NRG3: variants seen among roughly 807,000 people sequenced by gnomAD.
The protein encoded by NRG3 is neuregulin 3.
In NRG3, 31 loss-of-function variants were observed where a neutral mutation model predicts 66.9. The observed-to-expected ratio is 0.46, with a 90% confidence interval of 0.35 to 0.63. The LOEUF (loss-of-function observed/expected upper bound fraction) is 0.63, where lower values mean the gene tolerates loss of function less well. Ranked by LOEUF, NRG3 falls within the 20% of genes least tolerant of loss-of-function variation. The probability of loss-of-function intolerance (pLI) is 0.00; values close to 1 mark genes in which losing one functional copy is unlikely to be tolerated. For missense variants in NRG3, 910 were observed against 878.9 expected (o/e 1.04, Z -0.45); for synonymous variants, 393 against 359.4 (o/e 1.09, Z -1.06).
At chr10:82,471,803 C>T (rs1841292613) in intron 2 of NRG3, among the ~76,000 whole-genome samples, 1 of 151,542 alleles carries the variant, frequency 6.6e-6, no homozygotes. Context: ...GCAGGAGAAT[C>T]ACTTGAACCC....
At chr10:82,124,221 G>A (rs568815985) in intron 1 of NRG3, among the ~76,000 whole-genome samples, 6 of 151,984 alleles carry the variant, frequency 3.9e-5, no homozygotes, top group South Asian at 2.1e-4. Context: ...ATTGGCTTTC[G>A]AACTGATGAA....
chr10:82,586,933 G>T (rs1159561624), intron 2 of NRG3, among the ~76,000 whole-genome samples: 2 of 152,030 alleles, frequency 1.3e-5, no homozygotes, highest in Non-Finnish European at 2.9e-5. Context: ...AAAAAATCAT[G>T]TTTTTTCATG....
chr10:82,605,664 C>G (rs1276246845), intron 2 of NRG3, among the ~76,000 whole-genome samples: 5 of 151,854 alleles, frequency 3.3e-5, no homozygotes, highest in Non-Finnish European at 7.4e-5. Context: ...ATTTATATTT[C>G]TTAAACTAGT....
At chr10:82,180,910 TTTTG>T (rs1474836209) in intron 1 of NRG3, among the ~76,000 whole-genome samples, 4 of 151,812 alleles carry the variant, frequency 2.6e-5, no homozygotes, top group Non-Finnish European at 4.4e-5. Context: ...TTGTTGTTGT[TTTTG>T]TTTGTTATGT....
At chr10:82,246,814 T>A (rs935860861) in intron 1 of NRG3, among the ~76,000 whole-genome samples, 1 of 152,094 alleles carries the variant, frequency 6.6e-6, no homozygotes, top group Non-Finnish European at 1.5e-5. Flanking sequence ...GGTCTGAGTG[T>A]GAATGCTGGC....
At chr10:82,151,018 G>A (rs1363266025) in intron 1 of NRG3, among the ~76,000 whole-genome samples, 24 of 152,314 alleles carry the variant, frequency 1.6e-4, no homozygotes, top group Admixed American at 6.5e-5. Flanking sequence ...GCCTGGATAG[G>A]ATTTTCAATC....
chr10:82,053,205 C>T (rs1272763911), intron 1 of NRG3, among the ~76,000 whole-genome samples: 1 of 151,620 alleles, frequency 6.6e-6, no homozygotes, highest in Non-Finnish European at 1.5e-5. Flanking sequence ...TAGGAAAATA[C>T]TGGTGGTTGT....
intron 1 of NRG3, among the ~76,000 whole-genome samples, chr10:82,222,013 T>C (rs2075966509): frequency 6.6e-6 from 1 of 151,810 alleles, no homozygotes; most frequent in Non-Finnish European, 1.5e-5. Flanking sequence ...TGACATGACA[T>C]TGCTCACCCT....
chr10:82,801,570 A>C (rs920583787), intron 3 of NRG3, among the ~76,000 whole-genome samples: 2 of 152,156 alleles, frequency 1.3e-5, no homozygotes, highest in Non-Finnish European at 2.9e-5. Flanking sequence ...CACAGAGTTC[A>C]TAATTTTGGA....
At chr10:82,666,558 T>C (rs1009264913) in intron 2 of NRG3, among the ~76,000 whole-genome samples, 6 of 152,166 alleles carry the variant, frequency 3.9e-5, no homozygotes, top group African/African-American at 1.2e-4. Flanking sequence ...ATCCATCCAT[T>C]TCACTTTCAT....
intron 1 of NRG3, among the ~76,000 whole-genome samples, chr10:82,269,992 A>G (rs1326374809): frequency 1.3e-5 from 2 of 152,222 alleles, no homozygotes; most frequent in Admixed American, 1.3e-4. Context: ...TAAAATGGGG[A>G]CGATTAAAGT....
chr10:82,687,603 T>A (rs946672432), intron 2 of NRG3, among the ~76,000 whole-genome samples: 1 of 152,070 alleles, frequency 6.6e-6, no homozygotes, highest in Non-Finnish European at 1.5e-5. Flanking sequence ...TAGAAGAGGG[T>A]GCTGCATATA....
chr10:82,897,510 C>T (rs1193603790), intron 4 of NRG3, among the ~76,000 whole-genome samples: 1 of 151,900 alleles, frequency 6.6e-6, no homozygotes, highest in Non-Finnish European at 1.5e-5. Flanking sequence ...AAAGAACTAA[C>T]ATGTCTTTTT....
At chr10:82,920,520 T>C (rs1353806111) in intron 4 of NRG3, among the ~76,000 whole-genome samples, 1 of 152,148 alleles carries the variant, frequency 6.6e-6, no homozygotes, top group South Asian at 2.1e-4. Flanking sequence ...ATCTTTGCCC[T>C]GTCAGTTGAG....
At chr10:82,127,330 CTTTG>C in intron 1 of NRG3, among the ~76,000 whole-genome samples, 1 of 152,162 alleles carries the variant, frequency 6.6e-6, no homozygotes, top group East Asian at 1.9e-4. Context: ...TTTCAAATTG[CTTTG>C]TTTATTGGTT....
intron 4 of NRG3, among the ~76,000 whole-genome samples, chr10:82,914,697 T>C (rs984045536): frequency 6.6e-6 from 1 of 152,034 alleles, no homozygotes; most frequent in Non-Finnish European, 1.5e-5. Flanking sequence ...GAGAGCTCAA[T>C]CCTCTAGTGG....
At chr10:82,346,223 T>C (rs1216330751) in intron 1 of NRG3, among the ~76,000 whole-genome samples, 1 of 150,198 alleles carries the variant, frequency 6.7e-6, no homozygotes, top group African/African-American at 2.5e-5. Flanking sequence ...GCTCTTATTA[T>C]TTTGAAATAC....
At chr10:82,470,720 C>A (rs1159237258) in intron 2 of NRG3, among the ~76,000 whole-genome samples, 1 of 152,214 alleles carries the variant, frequency 6.6e-6, no homozygotes, top group African/African-American at 2.4e-5. Flanking sequence ...CTGTTAGCTC[C>A]AGCTCTGGTT....
chr10:82,214,299 A>G (rs1194373150), intron 1 of NRG3, among the ~76,000 whole-genome samples: 2 of 152,124 alleles, frequency 1.3e-5, no homozygotes, highest in Non-Finnish European at 2.9e-5. Context: ...AGAAAGAGTA[A>G]CTATGGCCAC....
Sources: gnomAD v4.1 joint callset for allele counts (sites outside exome capture counted in the v4.1 genomes callset) on GRCh38, gnomAD v4.1.1 for gene constraint, MANE v1.5 for transcripts, NCBI Gene and HGNC (gene_info 2026-07-23, HGNC 2026-07-21) for gene names.